The following EHBP1 variants were observed in gnomAD, a reference collection of about 807,000 sequenced individuals.
The protein encoded by EHBP1 is EH domain binding protein 1.
A neutral mutation model predicts 144.0 loss-of-function variants in EHBP1; 55 were observed. The ratio of observed to expected loss-of-function variants is 0.38; its 90% confidence interval spans 0.31 to 0.48. The LOEUF is 0.48. EHBP1 is among the 20% of genes least tolerant of loss of function. EHBP1 has a pLI of 0.98. For synonymous variants in EHBP1, 469 were observed against 472.7 expected (o/e 0.99, Z 0.10); for missense variants, 1,200 against 1,364.2 (o/e 0.88, Z 1.90).
intron 10 of EHBP1, among the ~76,000 whole-genome samples, chr2:62,933,194 G>T (rs948409872): frequency 6.6e-6 from 1 of 151,576 alleles, no homozygotes; most frequent in African/African-American, 2.4e-5. Context: ...CATGAAAAAT[G>T]ACTATATTTT....
intron 14 of EHBP1, among the ~76,000 whole-genome samples, chr2:62,963,929 TGA>T (rs2058117661): frequency 6.6e-6 from 1 of 152,198 alleles, no homozygotes; most frequent in African/African-American, 2.4e-5. Flanking sequence ...TGAGACACTT[TGA>T]GTGTAGAGCT....
At chr2:63,036,306 G>A (rs2061437796) in intron 19 of EHBP1, among the ~76,000 whole-genome samples, 1 of 151,992 alleles carries the variant, frequency 6.6e-6, no homozygotes, top group Non-Finnish European at 1.5e-5. Flanking sequence ...TTATGTGAAA[G>A]AAACATGTAT....
intron 5 of EHBP1, among the ~76,000 whole-genome samples, chr2:62,820,896 T>C (rs1439412473): frequency 6.7e-6 from 1 of 150,336 alleles, no homozygotes; most frequent in Non-Finnish European, 1.5e-5. Context: ...AGGATACAAT[T>C]TGGGAGGGGA....
At chr2:62,887,759 C>A (rs751137533) in intron 10 of EHBP1, among the ~76,000 whole-genome samples, 40 of 152,090 alleles carry the variant, frequency 2.6e-4, no homozygotes, top group Admixed American at 5.9e-4. Context: ...AGCTAGCTAG[C>A]TAGATAGATG....
intron 17 of EHBP1, 43 bp from the exon 18 acceptor site, chr2:62,993,828 G>T: frequency 7.0e-7 from 1 of 1,436,912 alleles, no homozygotes. Flanking sequence ...CAAATATCAA[G>T]CTTTACAATA....
chr2:62,735,099 T>G (rs2037995815), intron 2 of EHBP1, among the ~76,000 whole-genome samples: 1 of 152,160 alleles, frequency 6.6e-6, no homozygotes, highest in Non-Finnish European at 1.5e-5. Context: ...CTCACTGTGT[T>G]GCTCAGGCTG....
chr2:62,869,386 A>T (rs1183286976), intron 9 of EHBP1, among the ~76,000 whole-genome samples: 4 of 152,224 alleles, frequency 2.6e-5, no homozygotes, highest in Non-Finnish European at 4.4e-5. Flanking sequence ...AATGGGAACA[A>T]TTCAAATATC....
intron 5 of EHBP1, among the ~76,000 whole-genome samples, chr2:62,814,047 T>C (rs10189112): frequency 1.2e-3 from 187 of 152,318 alleles, no homozygotes; most frequent in Middle Eastern, 0.01. Context: ...GTATTTTGCA[T>C]GTGAGAAAGA....
intron 7 of EHBP1, among the ~76,000 whole-genome samples, chr2:62,841,413 T>C (rs963066232): frequency 7.3e-5 from 11 of 151,628 alleles, no homozygotes; most frequent in Admixed American, 2.6e-4. Context: ...GTGGGTGCAG[T>C]GCACCAGCAT....
intron 19 of EHBP1, among the ~76,000 whole-genome samples, chr2:63,014,208 A>G (rs1041476579): frequency 6.6e-6 from 1 of 152,234 alleles, no homozygotes; most frequent in African/African-American, 2.4e-5. Flanking sequence ...ATTGTTTCAC[A>G]TGTAAAGCAA....
chr2:62,709,029 T>C (rs13391686), intron 2 of EHBP1, among the ~76,000 whole-genome samples: 5,602 of 152,234 alleles, frequency 0.037, 248 homozygotes, highest in African/African-American at 0.11. Flanking sequence ...TAAAAGATTA[T>C]GAGCAGAAGA....
At chr2:62,888,784 A>G (rs2052162225) in intron 10 of EHBP1, among the ~76,000 whole-genome samples, 1 of 152,174 alleles carries the variant, frequency 6.6e-6, no homozygotes, top group African/African-American at 2.4e-5. Context: ...TTACTACATG[A>G]AAAAGGAAGG....
chr2:62,725,141 G>A (rs1174387265), intron 2 of EHBP1, among the ~76,000 whole-genome samples: 1 of 152,134 alleles, frequency 6.6e-6, no homozygotes, highest in Non-Finnish European at 1.5e-5. Context: ...CTGGCTCCTC[G>A]GGGATAGGAA....
upstream of EHBP1, among the ~76,000 whole-genome samples, chr2:62,702,354 T>C (rs1277510296): frequency 6.6e-6 from 1 of 152,160 alleles, no homozygotes; most frequent in African/African-American, 2.4e-5. Flanking sequence ...TAACTTGCAT[T>C]AAACCTGGGA....
chr2:62,780,338 A>G (rs544766611), intron 5 of EHBP1, among the ~76,000 whole-genome samples: 1 of 152,178 alleles, frequency 6.6e-6, no homozygotes, highest in East Asian at 1.9e-4. Context: ...GTTGTATATG[A>G]TTATGGGAAT....
At chr2:62,751,297 C>G (rs552995195) in intron 3 of EHBP1, among the ~76,000 whole-genome samples, 1 of 152,208 alleles carries the variant, frequency 6.6e-6, no homozygotes, top group South Asian at 2.1e-4. Context: ...TATTGATTTT[C>G]GTATGTTGAA....
At chr2:62,994,593 G>A (rs1297840831) in intron 18 of EHBP1, among the ~76,000 whole-genome samples, 3 of 152,084 alleles carry the variant, frequency 2.0e-5, no homozygotes, top group East Asian at 1.9e-4. Context: ...ACAGAAGCAG[G>A]AAGAACAAGT....
intron 2 of EHBP1, among the ~76,000 whole-genome samples, chr2:62,730,833 C>CAG (rs911440652): frequency 1.8e-5 from 2 of 113,564 alleles, no homozygotes; most frequent in Non-Finnish European, 1.9e-5. Context: ...AAGAGAGAAA[C>CAG]AGAGAGACGG....
intron 3 of EHBP1, among the ~76,000 whole-genome samples, chr2:62,755,222 T>C (rs1337405314): frequency 6.6e-6 from 1 of 152,196 alleles, no homozygotes; most frequent in Non-Finnish European, 1.5e-5. Context: ...ATAAGACTAG[T>C]GTTGCTTGTT....
Sources: gnomAD v4.1 joint callset for allele counts (sites outside exome capture counted in the v4.1 genomes callset) on GRCh38, gnomAD v4.1.1 for gene constraint, MANE v1.5 for transcripts, NCBI Gene and HGNC (gene_info 2026-07-23, HGNC 2026-07-21) for gene names.